Variants in NOL4L observed in about 807,000 individuals in gnomAD.
NOL4L encodes the protein nucleolar protein 4-like.
A neutral mutation model predicts 64.5 loss-of-function variants in NOL4L; 7 were observed. The ratio of observed to expected loss-of-function variants is 0.11; its 90% CI spans 0.06 to 0.20. The LOEUF is 0.20. Ranked by LOEUF, NOL4L falls within the 10% of genes least tolerant of loss-of-function variation. The probability of loss-of-function intolerance (pLI) is 1.00; values close to 1 mark genes in which losing one functional copy is unlikely to be tolerated. For missense variants in NOL4L, 680 were observed against 967.1 expected, an observed-to-expected ratio of 0.70 and a Z score of 3.94; for synonymous variants, 413 against 401.0, an observed-to-expected ratio of 1.03 and a Z score of -0.36.
At chr20:32,508,224 G>A (rs957697326) in intron 4 of NOL4L, among the ~76,000 whole-genome samples, 1 of 152,152 alleles carries the variant, frequency 6.6e-6, no homozygotes, top group African/African-American at 2.4e-5. Flanking sequence ...CCTGTCCTGC[G>A]GCTGTGTTTG....
chr20:32,548,923 C>A, intron 1 of NOL4L: 1 of 395,312 alleles, frequency 2.5e-6, no homozygotes, highest in Non-Finnish European at 5.0e-6. Context: ...TATGTTCTAA[C>A]ATACTTATGC....
At position 32,550,885 on chromosome 20, in the gene NOL4L, A is replaced by G. The variant is rs376255170; in HGVS notation, c.322-22972T>C. Among the ~76,000 whole-genome samples, 377 of 150,462 alleles carry G rather than the reference A, an allele frequency of 2.5e-3. 2 individuals are homozygous for G. Among genetic ancestry groups the G allele is most frequent in the African/African-American group, 8.0e-3 (322 of 40,382 alleles). On this transcript the variant is annotated intron_variant, in intron 1 of 10. Transcript: ENST00000621426. Reference sequence around the variant, plus strand: ...GCGACAGGGTGAGACTCCATCTCAAAAAAAAGAAAAAAAAATACAAAAAAG... The same window carrying G: ...GCGACAGGGTGAGACTCCATCTCAAGAAAAAGAAAAAAAAATACAAAAAAG...
chr20:32,463,029 C>T lies in NOL4L; in HGVS notation c.842-6634G>A, dbSNP rs2014234245. ...GTGTAGGGTCCTGCAGTCTGGGCGACCTTGGGCACTGCCACCTCCTGGGCC... is the reference window on the plus strand; with the variant it reads ...GTGTAGGGTCCTGCAGTCTGGGCGATCTTGGGCACTGCCACCTCCTGGGCC... On this transcript the variant is annotated intron_variant, in intron 5 of 10. Coordinates refer to ENST00000621426, the MANE Select transcript of NOL4L (RefSeq NM_001256798.2). This position sits in a 1 kb window ranked among gnomAD's most constrained non-coding sequence, Gnocchi z 5.8. Among the ~76,000 whole-genome samples, 1 of 151,992 alleles carries T rather than the reference C, an allele frequency of 6.6e-6. No homozygotes were observed. Among genetic ancestry groups the T allele is most frequent in the African/African-American group, 2.4e-5 (1 of 41,382 alleles).
At chr20:32,525,811 G>A (rs1011128766) in intron 2 of NOL4L, among the ~76,000 whole-genome samples, 1 of 152,156 alleles carries the variant, frequency 6.6e-6, no homozygotes, top group African/African-American at 2.4e-5. Context: ...TGGCTGAAGT[G>A]CAGTGGCATG....
intron 4 of NOL4L, among the ~76,000 whole-genome samples, chr20:32,478,982 C>T (rs1312498283): frequency 6.6e-6 from 1 of 152,196 alleles, no homozygotes; most frequent in Non-Finnish European, 1.5e-5. Flanking sequence ...TTACACAAAC[C>T]CTTCAACACC....
chr20:32,482,208 A>G (rs1306208595), intron 4 of NOL4L, among the ~76,000 whole-genome samples: 1 of 148,150 alleles, frequency 6.7e-6, no homozygotes, highest in Non-Finnish European at 1.5e-5. Context: ...TGGCTTCTCC[A>G]TTGATCTGAG....
At chr20:32,461,421 C>CTTTT (rs869282447) in intron 5 of NOL4L, among the ~76,000 whole-genome samples, 1 of 58,346 alleles carries the variant, frequency 1.7e-5, no homozygotes. Context: ...CCTTTCTTTT[C>CTTTT]TTTTTTTTTT....
At chr20:32,478,737 A>G (rs901561926) in intron 4 of NOL4L, among the ~76,000 whole-genome samples, 5 of 152,206 alleles carry the variant, frequency 3.3e-5, no homozygotes, top group Non-Finnish European at 7.3e-5. Flanking sequence ...CACTACAGGC[A>G]TATACCACCA....
chr20:32,469,380 C>A (rs143334637), intron 5 of NOL4L, among the ~76,000 whole-genome samples: 14 of 145,518 alleles, frequency 9.6e-5, no homozygotes, highest in African/African-American at 3.5e-4. Context: ...TCTTTTTTTT[C>A]TTTTTTTTAG....
In NOL4L at chr20:32,464,850, C is replaced by T. The variant is rs1364729751; in HGVS notation, c.842-8455G>A. On this transcript the variant is annotated intron_variant, in intron 5 of 10. Transcript: ENST00000621426. The surrounding 1 kb of genome is among the most constrained non-coding windows in gnomAD (Gnocchi z 5.6). ...GTACCATTTCAACAAATAATTGATA[C>T]CGTGTTATCAGAGCTGAGATATTTC... The T allele has an allele frequency of 7.2e-6, 3 of 415,130 alleles. No individual in the cohort carries two copies. Among genetic ancestry groups the T allele is most frequent in the Non-Finnish European group, 1.3e-5 (3 of 228,612 alleles). 25.7% of individuals were successfully genotyped at this position (415,130 alleles called of 1,614,324 possible).
At chr20:32,550,567 G>A (rs1008245025) in intron 1 of NOL4L, among the ~76,000 whole-genome samples, 2 of 152,118 alleles carry the variant, frequency 1.3e-5, no homozygotes, top group Non-Finnish European at 2.9e-5. Context: ...TCAACATGGT[G>A]AAACTTCGTC....
chr20:32,467,194 G>C (rs2014629758), intron 5 of NOL4L, among the ~76,000 whole-genome samples: 1 of 152,134 alleles, frequency 6.6e-6, no homozygotes, highest in South Asian at 2.1e-4. Context: ...GCACACTTCT[G>C]CCTGGCACCT....
intron 4 of NOL4L, among the ~76,000 whole-genome samples, chr20:32,489,079 A>G (rs1161550073): frequency 1.4e-5 from 2 of 145,064 alleles, no homozygotes; most frequent in African/African-American, 5.2e-5. Context: ...AGTTTATGAC[A>G]AGATTTTTTT....
At chr20:32,539,069 C>T (rs777060627) in intron 1 of NOL4L, among the ~76,000 whole-genome samples, 4 of 152,202 alleles carry the variant, frequency 2.6e-5, no homozygotes, top group East Asian at 3.9e-4. Flanking sequence ...TAGGGCTGGG[C>T]GTTGGGAGAC....
At chr20:32,509,648 G>A (rs2017303558) in intron 4 of NOL4L, 1 of 737,858 alleles carries the variant, frequency 1.4e-6, no homozygotes, top group Non-Finnish European at 1.9e-6. Context: ...CCTCGTTAAA[G>A]CACCTAACCC....
In NOL4L at chr20:32,463,466, T is replaced by C. The variant is rs1433640819; in HGVS notation, c.842-7071A>G. ...GGGAAGCAGCCCGGGATGCACCCCCTCTCAGCATTTCCACAAAACCAGGCC... is the reference window on the plus strand; with the variant it reads ...GGGAAGCAGCCCGGGATGCACCCCCCCTCAGCATTTCCACAAAACCAGGCC... On this transcript the variant is annotated intron_variant, in intron 5 of 10. Transcript: ENST00000621426. This position sits in a 1 kb window ranked among gnomAD's most constrained non-coding sequence, Gnocchi z 5.8. Among the ~76,000 whole-genome samples, 2 of 152,124 alleles carry C rather than the reference T, an allele frequency of 1.3e-5. No individual in the cohort carries two copies. Among genetic ancestry groups the C allele is most frequent in the Non-Finnish European group, 2.9e-5 (2 of 68,008 alleles).
intron 4 of NOL4L, among the ~76,000 whole-genome samples, chr20:32,481,995 C>A (rs942451235): frequency 1.3e-5 from 2 of 150,300 alleles, no homozygotes; most frequent in Non-Finnish European, 3.0e-5. Flanking sequence ...GGGTTGCCAG[C>A]TGATTCTGGG....
chr20:32,475,319 C>A (rs1284867922), intron 4 of NOL4L: 3 of 985,364 alleles, frequency 3.0e-6, no homozygotes, highest in Non-Finnish European at 3.6e-6. Flanking sequence ...CGCTCTTGGG[C>A]AGCTTCCAGG....
At chr20:32,538,916 G>A (rs1242320799) in intron 1 of NOL4L, among the ~76,000 whole-genome samples, 1 of 151,660 alleles carries the variant, frequency 6.6e-6, no homozygotes, top group East Asian at 1.9e-4. Context: ...ATGTGCAAAC[G>A]ACATGCAAAC....
Sources: gnomAD v4.1 joint callset for allele counts (sites outside exome capture counted in the v4.1 genomes callset) on GRCh38, gnomAD v4.1.1 for gene constraint, Gnocchi (gnomAD v3.1) non-coding constraint, MANE v1.5 for transcripts, NCBI Gene and HGNC (gene_info 2026-07-23, HGNC 2026-07-21) for gene names.